The following UGGT1 variants were observed in gnomAD, a reference collection of about 807,000 sequenced individuals.
UGGT1 encodes the protein UDP-glucose glycoprotein glucosyltransferase 1.
UGGT1 carries 107 observed loss-of-function variants against 203.9 expected under a neutral mutation model. The ratio of observed to expected loss-of-function variants is 0.52; its 90% CI spans 0.45 to 0.62. The LOEUF (loss-of-function observed/expected upper bound fraction) is 0.62. Ranked by LOEUF, UGGT1 falls within the 20% of genes least tolerant of loss-of-function variation. The pLI, the probability that UGGT1 is intolerant of heterozygous loss-of-function variation, is 0.00. For missense variants in UGGT1, 1,673 were observed against 1,867.2 expected, an observed-to-expected ratio of 0.90 and a Z score of 1.92; for synonymous variants, 628 against 653.5, an observed-to-expected ratio of 0.96 and a Z score of 0.59.
intron 26 of UGGT1, among the ~76,000 whole-genome samples, chr2:128,165,204 A>G (rs1690727751): frequency 6.6e-6 from 1 of 152,198 alleles, no homozygotes; most frequent in Non-Finnish European, 1.5e-5. Context: ...GTGTGGGAGG[A>G]TCGCTTGAGC....
intron 13 of UGGT1, among the ~76,000 whole-genome samples, chr2:128,131,335 C>T (rs1688868874): frequency 1.3e-5 from 2 of 151,826 alleles, no homozygotes; most frequent in South Asian, 4.2e-4. Flanking sequence ...GGGCGGATCA[C>T]TTTAGCTCAG....
intron 37 of UGGT1, among the ~76,000 whole-genome samples, chr2:128,182,604 C>T (rs909997321): frequency 3.4e-5 from 5 of 147,308 alleles, no homozygotes; most frequent in African/African-American, 5.0e-5. Context: ...GAGGCTAAGG[C>T]AGGAGAATTG....
In UGGT1 at chr2:128,185,317, G is replaced by A. The variant is rs368124490; in HGVS notation, c.4360-1366G>A. Among the ~76,000 whole-genome samples the A allele has an allele frequency of 2.7e-3, 402 of 148,916 alleles. 2 individuals are homozygous for A. The highest frequency in any genetic ancestry group is 9.4e-3 in the African/African-American group (382 of 40,442). ...CGAGCAGGTGGGATTACAGAGGCGT[G>A]CCACCACACCCAGCTAATTTTTCTG... On this transcript the variant is annotated intron_variant, in intron 38 of 40. Transcript: ENST00000259253.
In UGGT1 at chr2:128,117,795, C is replaced by T. The variant is rs138959191; in HGVS notation, c.872+1452C>T. Reference sequence around the variant, plus strand: ...TGATCTCCTGACCTCCTGGTCCGCCCGCCTTGGCCTCCCAAAGTGCTGGGA... The same window carrying T: ...TGATCTCCTGACCTCCTGGTCCGCCTGCCTTGGCCTCCCAAAGTGCTGGGA... On this transcript the variant is annotated intron_variant, in intron 8 of 40. Coordinates refer to ENST00000259253, the MANE Select transcript of UGGT1 (RefSeq NM_020120.4). Among the ~76,000 whole-genome samples the T allele has an allele frequency of 4.4e-3, 676 of 152,006 alleles. 2 individuals carry two copies. Among genetic ancestry groups the T allele is most frequent in the African/African-American group, 0.015 (638 of 41,428 alleles).
At position 128,152,878 on chromosome 2, in the gene UGGT1, G is replaced by A. The variant is rs151159950; in HGVS notation, c.2111G>A (p.Arg704Gln). The change falls in exon 19 of 41, where the codon CGA becomes CAA. Residue 704 changes from arginine (R) to glutamine (Q), a missense_variant. Around this residue, in one of 4 missense-constraint regions of UGGT1, gnomAD observed 1,073 missense variants for 1,078.7 expected, o/e 0.99. Transcript: ENST00000259253. Reference protein sequence around the residue: ...RINSRILTAERDYLDLTASNN... With the variant: ...RINSRILTAEQDYLDLTASNN... ...AATTCTAGGATTTTGACAGCTGAAC[G>A]AGACTACCTGGATTTAACAGCGAGT... 172 of 1,613,866 alleles carry A rather than the reference G, an allele frequency of 1.1e-4. No homozygotes were observed. The African/African-American group carries it at 1.3e-3, about 12-fold the overall frequency.
At chr2:128,169,328 G>A (rs532508948) in intron 26 of UGGT1, among the ~76,000 whole-genome samples, 1 of 152,228 alleles carries the variant, frequency 6.6e-6, no homozygotes, top group East Asian at 1.9e-4. Context: ...CCATGATCAC[G>A]CCACTGCACT....
chr2:128,096,343 G>A (rs1391114908), intron 1 of UGGT1, among the ~76,000 whole-genome samples: 1 of 152,150 alleles, frequency 6.6e-6, no homozygotes, highest in Non-Finnish European at 1.5e-5. Flanking sequence ...TCACAAACTG[G>A]GTGGCTTAGA....
chr2:128,113,472 C>T (rs111806300), intron 6 of UGGT1, among the ~76,000 whole-genome samples: 9 of 152,164 alleles, frequency 5.9e-5, no homozygotes, highest in African/African-American at 2.2e-4. Context: ...AAAAGTAGCT[C>T]GATAAAGTTT....
intron 38 of UGGT1, among the ~76,000 whole-genome samples, chr2:128,184,118 C>T (rs1032528457): frequency 6.6e-6 from 1 of 152,132 alleles, no homozygotes; most frequent in Non-Finnish European, 1.5e-5. Context: ...TCTCTACCTA[C>T]TAGGGTCAGT....
At chr2:128,117,442 A>T (rs1688159801) in intron 8 of UGGT1, among the ~76,000 whole-genome samples, 1 of 152,224 alleles carries the variant, frequency 6.6e-6, no homozygotes, top group African/African-American at 2.4e-5. Flanking sequence ...ATGGTATTTT[A>T]AAAAATTCCA....
rs773911386 is a variant in UGGT1 at position 128,173,868 on chromosome 2, C to T, written c.3382C>T (p.Arg1128Trp). 8.1e-6 allele frequency: 13 copies of T among 1,614,068 alleles called. No homozygotes were observed. Among genetic ancestry groups the T allele is most frequent in the African/African-American group, 5.3e-5 (4 of 74,936 alleles). Residue 1128 changes from arginine (R) to tryptophan (W), a missense_variant, in exon 30 of 41, where the codon CGG (arginine) becomes TGG (tryptophan). Physicochemically the swap from Arg to Trp is moderately radical, Grantham distance 101. Transcript: ENST00000259253. Reference sequence around the variant, plus strand: ...CGACATCACCACAGGCCAGCCTCCACGGGGACTACAGTTTACCTTAGGAAC... The same window carrying T: ...CGACATCACCACAGGCCAGCCTCCATGGGGACTACAGTTTACCTTAGGAAC... ...CYDITTGQPP[R>W]GLQFTLGTSA...
chr2:128,159,461 TTTAAG>T, intron 22 of UGGT1, 48 bp from the exon 23 acceptor site: 3 of 1,540,102 alleles, frequency 1.9e-6, no homozygotes, highest in Non-Finnish European at 2.7e-6. Context: ...AATGCTGCTT[TTTAAG>T]TTCAAAAATA....
At chr2:128,121,996 A>G (rs1025301489) in intron 10 of UGGT1, among the ~76,000 whole-genome samples, 1 of 152,148 alleles carries the variant, frequency 6.6e-6, no homozygotes, top group African/African-American at 2.4e-5. Flanking sequence ...AAGGTTTTAC[A>G]TATGTCATCT....
intron 8 of UGGT1, among the ~76,000 whole-genome samples, chr2:128,119,334 GTAATCCC>G (rs1480160473): frequency 6.6e-6 from 1 of 152,070 alleles, no homozygotes; most frequent in Admixed American, 6.6e-5. Flanking sequence ...GCTCACGCCT[GTAATCCC>G]AGCACTTTGG....
At chr2:128,114,892 A>G (rs1467785434) in intron 6 of UGGT1, among the ~76,000 whole-genome samples, 2 of 152,216 alleles carry the variant, frequency 1.3e-5, no homozygotes, top group Non-Finnish European at 1.5e-5. Context: ...TTTTAATGGT[A>G]GATACGTGCT....
intron 2 of UGGT1, chr2:128,103,276 G>A (rs947155828): frequency 1.5e-4 from 42 of 278,658 alleles, no homozygotes; most frequent in Non-Finnish European, 3.0e-4. Flanking sequence ...TTTCCTCGTA[G>A]GGGTTTTAGA....
chr2:128,129,315 T>G (rs1267957557), intron 13 of UGGT1, 136 bp downstream of exon 13: 10 of 1,050,242 alleles, frequency 9.5e-6, no homozygotes, highest in Non-Finnish European at 1.2e-5. Context: ...ATTGCTTATA[T>G]GGGACTTTGT....
chr2:128,144,444 C>G (rs1314436783), intron 17 of UGGT1, among the ~76,000 whole-genome samples: 1 of 152,118 alleles, frequency 6.6e-6, no homozygotes, highest in Non-Finnish European at 1.5e-5. Context: ...GCAGACAAAA[C>G]CAATGTTATT....
chr2:128,187,169 T>C (rs1425960384), intron 39 of UGGT1: 2 of 316,726 alleles, frequency 6.3e-6, no homozygotes, highest in East Asian at 1.1e-4. Context: ...CAACTTACAA[T>C]CTGCTGAGTC....
Sources: gnomAD v4.1 joint callset for allele counts (sites outside exome capture counted in the v4.1 genomes callset) on GRCh38, gnomAD v4.1.1 for gene constraint, gnomAD v4.1.1 regional missense constraint, MANE v1.5 for transcripts, NCBI Gene and HGNC (gene_info 2026-07-23, HGNC 2026-07-21) for gene names.